Variants in ENAH observed in about 807,000 individuals in gnomAD.
ENAH encodes ENAH actin regulator.
ENAH carries 23 observed loss-of-function variants against 78.7 expected under a neutral mutation model. The ratio of observed to expected loss-of-function variants is 0.29; its 90% CI spans 0.21 to 0.41. ENAH has a LOEUF of 0.41. Ranked by LOEUF, ENAH falls within the 10% of genes least tolerant of loss-of-function variation. ENAH has a pLI of 1.00. For synonymous variants in ENAH, 226 were observed against 241.0 expected (o/e 0.94, Z 0.58); for missense variants, 544 against 691.0 (o/e 0.79, Z 2.39).
chr1:225,625,494 A>AT (rs1431300122), intron 1 of ENAH, among the ~76,000 whole-genome samples: 2 of 152,128 alleles, frequency 1.3e-5, no homozygotes, highest in Non-Finnish European at 2.9e-5. Context: ...AATATAACAG[A>AT]TTACTAAAAC....
chr1:225,577,822 G>A lies in ENAH; in HGVS notation c.6-10408C>T, dbSNP rs537223589. ...CGTTAAAGGTTAAATACAATAGTATGTAGAAAAAGTACTTTAGAGAATGTA... is the reference window on the plus strand; with the variant it reads ...CGTTAAAGGTTAAATACAATAGTATATAGAAAAAGTACTTTAGAGAATGTA... On this transcript the variant is annotated intron_variant, in intron 1 of 13. Coordinates refer to ENST00000366843, the MANE Select transcript of ENAH (RefSeq NM_018212.6). Among the ~76,000 whole-genome samples the A allele has an allele frequency of 2.0e-5, 3 of 152,344 alleles. No homozygotes were observed. The South Asian group carries it at 6.2e-4, about 32-fold the overall frequency.
intron 1 of ENAH, among the ~76,000 whole-genome samples, chr1:225,582,164 C>A (rs180721329): frequency 2.3e-3 from 355 of 151,404 alleles, no homozygotes; most frequent in Non-Finnish European, 4.2e-3. Flanking sequence ...TCTTCCCCCC[C>A]TCTCTCTCTC....
At chr1:225,616,205 G>C (rs1248822384) in intron 1 of ENAH, among the ~76,000 whole-genome samples, 2 of 151,906 alleles carry the variant, frequency 1.3e-5, no homozygotes, top group Non-Finnish European at 2.9e-5. Context: ...AGGCCGCAGG[G>C]TCCTCTGCCT....
chr1:225,540,603 G>T (rs1449187317), intron 3 of ENAH, among the ~76,000 whole-genome samples: 8 of 151,490 alleles, frequency 5.3e-5, no homozygotes, highest in Non-Finnish European at 8.8e-5. Flanking sequence ...CCACAATTTG[G>T]TCAAGAATTC....
intron 4 of ENAH, among the ~76,000 whole-genome samples, chr1:225,523,700 T>C (rs1183762847): frequency 6.6e-6 from 1 of 152,198 alleles, no homozygotes. Flanking sequence ...TTGTGTGGCA[T>C]GAATAATTCC....
rs988213187 is a variant in ENAH, at chr1:225,562,429, G to A, written c.171+4820C>T. Among the ~76,000 whole-genome samples the A allele has an allele frequency of 1.2e-4, 18 of 151,686 alleles. No homozygotes were observed. In the East Asian group the frequency reaches 1.6e-3, roughly 13 times the overall value. On this transcript the variant is annotated intron_variant, in intron 2 of 13. Coordinates refer to ENST00000366843, the MANE Select transcript of ENAH (RefSeq NM_018212.6). ...CTACTAAAAATACAAAAAATTAACC[G>A]GGCGTGGTGACAGGCGCCTATAGTC...
At chr1:225,586,916 CAGGAGGCTGACCATCTCAAAAAA>C (rs2096850227) in intron 1 of ENAH, among the ~76,000 whole-genome samples, 1 of 123,394 alleles carries the variant, frequency 8.1e-6, no homozygotes, top group Non-Finnish European at 1.6e-5. Flanking sequence ...CCCAGCTACT[CAGGAGGCTGACCATCTCAAAAAA>C]AAAAGAGGTG....
chr1:225,603,566 C>G (rs943155993), intron 1 of ENAH, among the ~76,000 whole-genome samples: 2 of 152,102 alleles, frequency 1.3e-5, no homozygotes, highest in East Asian at 3.8e-4. Context: ...TATCAAACTT[C>G]CATTTCAAAA....
intron 11 of ENAH, among the ~76,000 whole-genome samples, chr1:225,507,670 T>C (rs1426470711): frequency 6.6e-6 from 1 of 152,168 alleles, no homozygotes. Context: ...TTAATTTTTC[T>C]GTAGTTTTGA....
At chr1:225,552,459 T>A (rs2096646121) in intron 3 of ENAH, among the ~76,000 whole-genome samples, 1 of 152,080 alleles carries the variant, frequency 6.6e-6, no homozygotes. Context: ...CATCTTACTC[T>A]CTCCCATGCT....
At chr1:225,556,126 T>C (rs1165668174) in intron 2 of ENAH, among the ~76,000 whole-genome samples, 1 of 152,150 alleles carries the variant, frequency 6.6e-6, no homozygotes, top group East Asian at 1.9e-4. Context: ...TAATGAACAA[T>C]TGGATTATTT....
intron 3 of ENAH, among the ~76,000 whole-genome samples, chr1:225,549,964 A>G (rs2096633653): frequency 6.6e-6 from 1 of 152,180 alleles, no homozygotes; most frequent in Non-Finnish European, 1.5e-5. Context: ...AAACTTGATC[A>G]TATCAATCCT....
At chr1:225,573,902 C>T (rs1407677108) in intron 1 of ENAH, among the ~76,000 whole-genome samples, 1 of 152,176 alleles carries the variant, frequency 6.6e-6, no homozygotes, top group Non-Finnish European at 1.5e-5. Context: ...CTTCTTGAAT[C>T]CCCTATGTGC....
chr1:225,573,041 G>A (rs2096771123), intron 1 of ENAH, among the ~76,000 whole-genome samples: 1 of 152,204 alleles, frequency 6.6e-6, no homozygotes, highest in African/African-American at 2.4e-5. Flanking sequence ...GCAGGTATAT[G>A]TGATGAGAAC....
Position 225,519,461 on chromosome 1 carries a change from C to G in ENAH, c.539G>C (p.Arg180Thr). 6.2e-7 allele frequency: 1 copy of G among 1,611,932 alleles called. No individual in the cohort carries two copies. The highest frequency in any genetic ancestry group is 2.2e-5 in the East Asian group (1 of 44,832). ...RLERERLERE[R>T]LERERLEQEQ... ...TTGTTCCAGTCGCTCCCTCTCCAGC[C>G]TTTCCCTTTCTAACCTCTCTCTCTC... The change falls in exon 5 of 14, where the codon AGG becomes ACG. Residue 180 changes from arginine (R) to threonine (T), a missense_variant. Transcript: ENST00000366843.
intron 1 of ENAH, among the ~76,000 whole-genome samples, chr1:225,583,305 G>A (rs1017356709): frequency 1.1e-4 from 16 of 151,722 alleles, no homozygotes; most frequent in Non-Finnish European, 1.8e-4. Flanking sequence ...GCATGATGGC[G>A]GGTGCCTGTA....
chr1:225,614,209 C>T (rs2097010292), intron 1 of ENAH, among the ~76,000 whole-genome samples: 2 of 152,186 alleles, frequency 1.3e-5, no homozygotes, highest in South Asian at 4.2e-4. Flanking sequence ...CAGGCGCCCA[C>T]CACCATGCAC....
chr1:225,603,751 C>A (rs906924969), intron 1 of ENAH, among the ~76,000 whole-genome samples: 1 of 152,116 alleles, frequency 6.6e-6, no homozygotes, highest in Non-Finnish European at 1.5e-5. Context: ...TTGGTATCTA[C>A]CAAATGTAAA....
intron 1 of ENAH, among the ~76,000 whole-genome samples, chr1:225,620,464 G>A (rs778418398): frequency 6.6e-6 from 1 of 152,014 alleles, no homozygotes; most frequent in African/African-American, 2.4e-5. Flanking sequence ...CCAGGGGGCG[G>A]AGGTTGCAGT....
Sources: allele counts gnomAD v4.1 joint callset (sites outside exome capture counted in the v4.1 genomes callset), GRCh38; gene constraint gnomAD v4.1.1; transcripts MANE v1.5; gene names NCBI Gene and HGNC (gene_info 2026-07-23, HGNC 2026-07-21).